The following DUOX2 variants were observed in gnomAD, a reference collection of about 807,000 sequenced individuals.
The protein encoded by DUOX2 is dual oxidase 2.
DUOX2 carries 185 observed loss-of-function variants against 183.3 expected under a neutral mutation model. The ratio of observed to expected loss-of-function variants is 1.01; its 90% CI spans 0.90 to 1.14. The LOEUF is 1.14. Among genes scored for constraint, DUOX2 ranks in the 50% most tolerant of loss-of-function variants. DUOX2 has a pLI of 0.00. For missense variants in DUOX2, 1,999 were observed against 2,022.9 expected, an observed-to-expected ratio of 0.99 and a Z score of 0.23; for synonymous variants, 788 against 812.4, an observed-to-expected ratio of 0.97 and a Z score of 0.51.
Position 45,104,328 on chromosome 15 carries a change from G to A in DUOX2, c.2372C>T (p.Pro791Leu), listed in dbSNP as rs145561119. Residue 791 changes from proline to leucine, a missense_variant, in exon 19 of 34, where the codon CCC becomes CTC. Coordinates refer to ENST00000389039, the MANE Select transcript of DUOX2 (RefSeq NM_001363711.2). ...DINQADAGTL[P>L]LDSSQKVREA... ...CCGCACCTTCTGGGAGGAGTCCAGG[G>A]GCAGGGTCCCTGCGTCGGCCTGGTT... The A allele has an allele frequency of 2.5e-6, 4 of 1,613,896 alleles. No individual in the cohort carries two copies. The African/African-American group carries it at 5.3e-5, about 22-fold the overall frequency.
rs1175705083 is a variant in DUOX2 at position 45,106,167 on chromosome 15, T to A, written c.2106A>T (p.Gly702=). 1.2e-6 allele frequency: 2 copies of A among 1,613,974 alleles called. No homozygotes were observed. Among genetic ancestry groups the A allele is most frequent in the Non-Finnish European group, 1.7e-6 (2 of 1,180,038 alleles). The stretch of plus-strand genomic sequence containing the variant: ...GGATCTTGAGCAGCAGGGTGCGGCA[T>A]CCTCGGTTGTTGGACAGGATGAGGT... ...QVNLILSNNR[G]CRTLLLKIPK... Residue 702 remains glycine, a synonymous_variant, in exon 17 of 34, where the codon GGA becomes GGT. Coordinates refer to ENST00000389039, the MANE Select transcript of DUOX2 (RefSeq NM_001363711.2).
At chr15:45,112,417 G>T in intron 4 of DUOX2, 137 bp downstream of exon 4, 1 of 1,071,482 alleles carries the variant, frequency 9.3e-7, no homozygotes, top group Non-Finnish European at 1.3e-6. Flanking sequence ...GATGAAGGCA[G>T]TCTCGAAGTG....
At chr15:45,095,746 G>A (rs1893883387) in intron 30 of DUOX2, 82 bp downstream of exon 30, 2 of 1,544,100 alleles carry the variant, frequency 1.3e-6, no homozygotes, top group Admixed American at 3.6e-5. Context: ...GACGGCTGGA[G>A]CTTCTAGTCT....
Position 45,099,805 on chromosome 15 carries a change from G to A in DUOX2, c.3272C>T (p.Ser1091Phe), listed in dbSNP as rs1595521326. Residue 1091 changes from serine (S) to phenylalanine (F), a missense_variant, in exon 25 of 34, where the codon TCC (serine) becomes TTC (phenylalanine). By Grantham distance (155) the Ser-to-Phe change is radical. Around this residue, in one of 3 missense-constraint regions of DUOX2, gnomAD observed 1,628 missense variants for 1,608.6 expected, o/e 1.01. Transcript: ENST00000389039. ...ILSRGTAASV[S>F]FMFSYILLTM... Reference sequence around the variant, plus strand: ...GAGCAAGATATAAGAGAACATGAAGGAGACGCTGGCCGCCGTGCCTCGTGA... The same window carrying A: ...GAGCAAGATATAAGAGAACATGAAGAAGACGCTGGCCGCCGTGCCTCGTGA... 2 of 1,614,222 alleles carry A rather than the reference G, an allele frequency of 1.2e-6. No individual in the cohort carries two copies.
rs117041393 is a variant in DUOX2, at chr15:45,112,576, G to A, written c.303C>T (p.Arg101=). ...CACCAAAGAAGACCCCCAGTACGGT[G>A]CGGTTGTGGAGCGACGGCAGGCCGG... ...GIAGLPSLHN[R]TVLGVFFGYH... The change falls in exon 4 of 34, where the codon CGC becomes CGT. Residue 101 remains arginine, a synonymous_variant. Coordinates refer to ENST00000389039, the MANE Select transcript of DUOX2 (RefSeq NM_001363711.2). 1 of 1,613,144 alleles carries A rather than the reference G, an allele frequency of 6.2e-7. No individual in the cohort carries two copies. The highest frequency in any genetic ancestry group is 1.7e-5 in the Admixed American group (1 of 60,010).
At chr15:45,099,599 C>G (rs1419324361) in intron 25 of DUOX2, 63 bp downstream of exon 25, 3 of 1,599,556 alleles carry the variant, frequency 1.9e-6, no homozygotes, top group African/African-American at 2.7e-5. Context: ...CATCTCCCCA[C>G]TGTTTCCCCC....
rs762344934 is a variant in DUOX2, at chr15:45,106,646, A to C, written c.1832-5T>G. 1 of 1,614,126 alleles carries C rather than the reference A, an allele frequency of 6.2e-7. No individual in the cohort carries two copies. The highest frequency in any genetic ancestry group is 1.7e-5 in the Admixed American group (1 of 60,030). Reference sequence around the variant, plus strand: ...CTCCAGAGAGAAGCAGACTCACTGAAGTGGATCAGAAGGAACAGTGAGGAG... The same window carrying C: ...CTCCAGAGAGAAGCAGACTCACTGACGTGGATCAGAAGGAACAGTGAGGAG... On this transcript the variant is annotated splice_polypyrimidine_tract_variant and splice_region_variant and intron_variant, in intron 15 of 33. Transcript: ENST00000389039.
chr15:45,100,985 T>C, intron 22 of DUOX2, 147 bp from the exon 23 acceptor site: 1 of 691,402 alleles, frequency 1.4e-6, no homozygotes, highest in East Asian at 2.7e-5. Context: ...ATCTCATGAT[T>C]TGTTTTGTAG....
At position 45,106,856 on chromosome 15, in the gene DUOX2, T is replaced by G. The variant is rs1409978248; in HGVS notation, c.1807A>C (p.Ile603Leu). 6 of 1,592,030 alleles carry G rather than the reference T, an allele frequency of 3.8e-6. No homozygotes were observed. Among genetic ancestry groups the G allele is most frequent in the Non-Finnish European group, 5.1e-6 (6 of 1,170,224 alleles). Residue 603 changes from isoleucine to leucine, a missense_variant, in exon 15 of 34, where the codon ATT becomes CTT. This residue lies in a region of DUOX2 where 1,628 missense variants were observed against 1,608.6 expected (regional missense o/e 1.01). Coordinates refer to ENST00000389039, the MANE Select transcript of DUOX2 (RefSeq NM_001363711.2). The stretch of plus-strand genomic sequence containing the variant: ...CCTAAGGGAAGGCAGCAGAGAGCAA[T>G]GATGGTGATGGCAAAACCAGGGCTG... ...GSSPGFAITI[I>L]ALCCLPLVSL...
chr15:45,113,562 A>G (rs1030892996), intron 1 of DUOX2, 137 bp from the exon 2 acceptor site: 9 of 722,796 alleles, frequency 1.2e-5, no homozygotes, highest in East Asian at 2.7e-5. Flanking sequence ...GGTAGCTGTT[A>G]GAAGCATCAC....
chr15:45,110,340 G>C lies in DUOX2; in HGVS notation c.1040+88C>G, dbSNP rs762643512. 112 of 1,301,532 alleles carry C rather than the reference G, an allele frequency of 8.6e-5. 1 individual carries two copies. The highest frequency in any genetic ancestry group is 1.2e-4 in the Non-Finnish European group (110 of 950,354). 80.6% of individuals were successfully genotyped at this position (1,301,532 alleles called of 1,614,324 possible). ...GCTTCCCCTTCTCTAGTGAAACTGC[G>C]AAGGAGTGTGAAAGGCCCCAGCCCC... On this transcript the variant is annotated intron_variant, in intron 9 of 33. Coordinates refer to ENST00000389039, the MANE Select transcript of DUOX2 (RefSeq NM_001363711.2).
In DUOX2 at chr15:45,097,710, C is replaced by T. The variant is rs564722398; in HGVS notation, c.3597G>A (p.Leu1199=). 1 of 1,614,232 alleles carries T rather than the reference C, an allele frequency of 6.2e-7. No homozygotes were observed. The highest frequency in any genetic ancestry group is 1.1e-5 in the South Asian group (1 of 91,086). The change falls in exon 28 of 34, where the codon CTG becomes CTA. Residue 1199 remains leucine (L), a synonymous_variant. Transcript: ENST00000389039. The stretch of plus-strand genomic sequence containing the variant: ...GGGAGGCGAAGACATACATGATGGC[C>T]AGGACCAGGAGCAGAAGCACACCTG... The part of the protein sequence containing the change: ...GMTGVLLLLV[L]AIMYVFASHH...
At position 45,110,755 on chromosome 15, in the gene DUOX2, T is replaced by A. The variant is rs201947197; in HGVS notation, c.883-45A>T. 5,961 of 1,608,944 alleles carry A rather than the reference T, an allele frequency of 3.7e-3. 48 individuals carry two copies. The highest frequency in any genetic ancestry group is 0.013 in the South Asian group (1,174 of 90,752). ...GAGGGGAGGCACAAGTTGGATGGTG[T>A]GGGGCCTGGAAGGGTCTGAGCCCAA... On this transcript the variant is annotated intron_variant, in intron 7 of 33. Coordinates refer to ENST00000389039, the MANE Select transcript of DUOX2 (RefSeq NM_001363711.2).
In DUOX2 at chr15:45,110,486, A is replaced by C. The variant is rs1205841579; in HGVS notation, c.982T>G (p.Phe328Val). The change falls in exon 9 of 34, where the codon TTT (phenylalanine) becomes GTT (valine). Residue 328 changes from phenylalanine (F) to valine (V), a missense_variant. By Grantham distance (50) the Phe-to-Val change is conservative. Around this residue, in one of 3 missense-constraint regions of DUOX2, gnomAD observed 1,628 missense variants for 1,608.6 expected, o/e 1.01. Coordinates refer to ENST00000389039, the MANE Select transcript of DUOX2 (RefSeq NM_001363711.2). Reference sequence around the variant, plus strand: ...AAGAACTGCTCAGAGGCCACCACAAATTCCGGGGAGATGCTGGGGTCTAGG... The same window carrying C: ...AAGAACTGCTCAGAGGCCACCACAACTTCCGGGGAGATGCTGGGGTCTAGG... Reference protein sequence around the residue: ...PFLDPSISPEFVVASEQFFST... With the variant: ...PFLDPSISPEVVVASEQFFST... 3.1e-6 allele frequency: 5 copies of C among 1,614,026 alleles called. No homozygotes were observed. The Admixed American group carries it at 8.3e-5, about 27-fold the overall frequency.
chr15:45,110,619 G>C, intron 8 of DUOX2, 31 bp downstream of exon 8: 6 of 1,613,416 alleles, frequency 3.7e-6, no homozygotes, highest in South Asian at 1.1e-5. Context: ...AGGATTCTCC[G>C]CACAGGTGTC....
chr15:45,099,473 C>G lies in DUOX2; in HGVS notation c.3425G>C (p.Ser1142Thr). The G allele has an allele frequency of 6.2e-7, 1 of 1,613,916 alleles. No individual in the cohort carries two copies. Among genetic ancestry groups the G allele is most frequent in the South Asian group, 1.1e-5 (1 of 91,074 alleles). Residue 1142 changes from serine (S) to threonine (T), a missense_variant, in exon 26 of 34, where the codon AGT becomes ACT. Coordinates refer to ENST00000389039, the MANE Select transcript of DUOX2 (RefSeq NM_001363711.2). Reference protein sequence around the residue: ...MAAVVLAILHSAGHAVNVYIF... With the variant: ...MAAVVLAILHTAGHAVNVYIF... Reference sequence around the variant, plus strand: ...GTAGACATTGACTGCGTGGCCAGCACTGTGCAAAACTGGAAGAGACAGACC... The same window carrying G: ...GTAGACATTGACTGCGTGGCCAGCAGTGTGCAAAACTGGAAGAGACAGACC...
Position 45,113,431 on chromosome 15 carries a change from G to A in DUOX2, c.-14-6C>T, listed in dbSNP as rs1350626533. On this transcript the variant is annotated splice_polypyrimidine_tract_variant and splice_region_variant and intron_variant, in intron 1 of 33. Transcript: ENST00000389039. Reference sequence around the variant, plus strand: ...GAGCATGCCAACCCTGCAGCCTGCGGGGTGAGGGTGGGGGTGGTAGGTGGT... The same window carrying A: ...GAGCATGCCAACCCTGCAGCCTGCGAGGTGAGGGTGGGGGTGGTAGGTGGT... 16 of 1,553,200 alleles carry A rather than the reference G, an allele frequency of 1.0e-5. No individual in the cohort carries two copies. In the East Asian group the frequency reaches 3.9e-4, roughly 38 times the overall value.
chr15:45,113,463 A>C (rs1211399288), intron 1 of DUOX2, 38 bp from the exon 2 acceptor site: 2 of 1,525,344 alleles, frequency 1.3e-6, no homozygotes, highest in Non-Finnish European at 1.8e-6. Context: ...TGGTATGCGA[A>C]AGCCACTGTT....
At chr15:45,098,153 T>A in intron 26 of DUOX2, 95 bp from the exon 27 acceptor site, 1 of 1,255,994 alleles carries the variant, frequency 8.0e-7, no homozygotes, top group Non-Finnish European at 1.2e-6. Flanking sequence ...TGGCCCTGAC[T>A]GCTGAGGGTA....
Sources: allele counts gnomAD v4.1 joint callset, GRCh38; gene constraint gnomAD v4.1.1; regional missense constraint gnomAD v4.1.1; transcripts MANE v1.5; gene names NCBI Gene and HGNC (gene_info 2026-07-23, HGNC 2026-07-21).